GNG7: variants seen among roughly 807,000 people sequenced by gnomAD.
GNG7 encodes guanine nucleotide-binding protein G(I)/G(S)/G(O) subunit gamma-7.
A neutral mutation model predicts 4.0 loss-of-function variants in GNG7; 1 was observed. The observed-to-expected ratio is 0.25, with a 90% CI of 0.09 to 1.18. GNG7 has a LOEUF of 1.18. Ranked by LOEUF, GNG7 falls within the 50% of genes most tolerant of loss-of-function variation. The probability of loss-of-function intolerance (pLI) is 0.50; values close to 1 mark genes in which losing one functional copy is unlikely to be tolerated. For missense variants in GNG7, 86 were observed against 91.9 expected (o/e 0.94, Z 0.26); for synonymous variants, 34 against 36.9 (o/e 0.92, Z 0.29).
At chr19:2,598,422 C>T (rs1981093292) in intron 2 of GNG7, among the ~76,000 whole-genome samples, 1 of 151,526 alleles carries the variant, frequency 6.6e-6, no homozygotes, top group Admixed American at 6.6e-5. Flanking sequence ...CTTTGGGAGG[C>T]CGAGGCGGGC....
intron 2 of GNG7, among the ~76,000 whole-genome samples, chr19:2,622,709 T>C (rs142134705): frequency 0.13 from 14,956 of 118,772 alleles, 2,602 homozygotes; most frequent in African/African-American, 0.41. Context: ...GGGAACCCAA[T>C]GCGAGCAACG....
intron 4 of GNG7, among the ~76,000 whole-genome samples, chr19:2,515,893 T>A (rs1331133202): frequency 6.6e-6 from 1 of 151,996 alleles, no homozygotes; most frequent in East Asian, 1.9e-4. Context: ...GCATTGTGAC[T>A]ATATTAAATA....
chr19:2,679,477 C>T (rs560301407), intron 1 of GNG7, among the ~76,000 whole-genome samples: 95 of 152,208 alleles, frequency 6.2e-4, no homozygotes, highest in Middle Eastern at 3.4e-3. Flanking sequence ...TTCAATGACC[C>T]TAGGGAGTGA....
rs148253371 is a variant in GNG7 at position 2,586,208 on chromosome 19, C to T, written c.-77-31020G>A. ...TGCAGCCGTCTTGATGGGGTGAGAT[C>T]GGGGAGGATCAAGAGCTCCCACCTT... On this transcript the variant is annotated intron_variant, in intron 2 of 4. Transcript: ENST00000382159. Among the ~76,000 whole-genome samples the T allele has an allele frequency of 4.2e-4, 64 of 152,256 alleles. 1 individual carries two copies. The East Asian group carries it at 0.012, about 28-fold the overall frequency.
At chr19:2,664,514 G>C (rs959703231) in intron 1 of GNG7, among the ~76,000 whole-genome samples, 19 of 151,948 alleles carry the variant, frequency 1.3e-4, no homozygotes, top group Non-Finnish European at 2.5e-4. Context: ...AGAACAAAGG[G>C]GCAGGCCTGC....
chr19:2,567,787 C>T (rs1252965292), intron 2 of GNG7, among the ~76,000 whole-genome samples: 1 of 152,126 alleles, frequency 6.6e-6, no homozygotes, highest in African/African-American at 2.4e-5. Context: ...AGGATGAGAC[C>T]TAAAAGGTCA....
rs915007115 is a variant in GNG7 at position 2,618,875 on chromosome 19, C to A, written c.-78+27349G>T. On this transcript the variant is annotated intron_variant, in intron 2 of 4. Coordinates refer to ENST00000382159, the MANE Select transcript of GNG7 (RefSeq NM_052847.3). This position sits in a 1 kb window ranked among gnomAD's most constrained non-coding sequence, Gnocchi z 5.1. ...GTTTTCCCCTCACGACCTTTCCTGCCCCATTGTGACCCCATCCAGGAGCCC... is the reference window on the plus strand; with the variant it reads ...GTTTTCCCCTCACGACCTTTCCTGCACCATTGTGACCCCATCCAGGAGCCC... Among the ~76,000 whole-genome samples the A allele has an allele frequency of 6.6e-6, 1 of 152,034 alleles. No homozygotes were observed. The highest frequency in any genetic ancestry group is 6.6e-5 in the Admixed American group (1 of 15,246).
chr19:2,513,532 C>T lies in GNG7; in HGVS notation c.*1490G>A. Reference sequence around the variant, plus strand: ...CAGAAGCCTCCCCCCGACCCCATGACATCTTCGATTTCCACTTGCCGCTGG... The same window carrying T: ...CAGAAGCCTCCCCCCGACCCCATGATATCTTCGATTTCCACTTGCCGCTGG... On this transcript the variant is annotated 3_prime_UTR_variant, in exon 5 of 5. Transcript: ENST00000382159. The T allele has an allele frequency of 1.0e-6, 1 of 985,628 alleles. No homozygotes were observed. Among genetic ancestry groups the T allele is most frequent in the Non-Finnish European group, 1.2e-6 (1 of 830,064 alleles). 61.1% of individuals were successfully genotyped at this position (985,628 alleles called of 1,614,324 possible).
At chr19:2,604,575 A>AGGGAGGGCGCGAGGGAG (rs1390890593) in intron 2 of GNG7, among the ~76,000 whole-genome samples, 1 of 133,996 alleles carries the variant, frequency 7.5e-6, no homozygotes, top group African/African-American at 2.9e-5. Context: ...GGACAGAGGG[A>AGGGAGGGCGCGAGGGAG]GGAAAAAGAG....
chr19:2,518,208 G>T (rs1194564722), intron 4 of GNG7, among the ~76,000 whole-genome samples: 1 of 150,930 alleles, frequency 6.6e-6, no homozygotes, highest in African/African-American at 2.4e-5. Flanking sequence ...AAAACCTCAG[G>T]CGGGACTGGG....
chr19:2,568,696 C>G (rs114477307), intron 2 of GNG7, among the ~76,000 whole-genome samples: 9,007 of 151,586 alleles, frequency 0.059, 345 homozygotes, highest in East Asian at 0.17. Context: ...TACACACATA[C>G]ATAAAATATA....
At chr19:2,659,232 G>C (rs774406996) in intron 1 of GNG7, among the ~76,000 whole-genome samples, 1 of 151,674 alleles carries the variant, frequency 6.6e-6, no homozygotes, top group Non-Finnish European at 1.5e-5. Flanking sequence ...GCCTCCCAAA[G>C]TCCTGGGATG....
At chr19:2,556,918 C>T (rs1407524893) in intron 2 of GNG7, among the ~76,000 whole-genome samples, 1 of 152,182 alleles carries the variant, frequency 6.6e-6, no homozygotes, top group East Asian at 1.9e-4. Flanking sequence ...AGACACTGCC[C>T]CGGGTCCCCT....
intron 2 of GNG7, among the ~76,000 whole-genome samples, chr19:2,598,926 A>C (rs1373304457): frequency 6.6e-6 from 1 of 152,082 alleles, no homozygotes; most frequent in Non-Finnish European, 1.5e-5. Flanking sequence ...CTTCCAGCTC[A>C]CCTCAAGCTG....
chr19:2,605,578 A>G (rs1324819106), intron 2 of GNG7, among the ~76,000 whole-genome samples: 1 of 118,900 alleles, frequency 8.4e-6, no homozygotes, highest in Non-Finnish European at 1.6e-5. Context: ...CAGTGGCTTG[A>G]TCTTGGCTTA....
At chr19:2,602,163 C>T (rs568020500) in intron 2 of GNG7, among the ~76,000 whole-genome samples, 1 of 152,032 alleles carries the variant, frequency 6.6e-6, no homozygotes, top group South Asian at 2.1e-4. Context: ...ATGGTGAAAC[C>T]CCGTCTCTAC....
At chr19:2,677,807 G>A (rs7257771) in intron 1 of GNG7, among the ~76,000 whole-genome samples, 48,182 of 151,858 alleles carry the variant, frequency 0.32, 8,782 homozygotes, top group East Asian at 0.55. Context: ...GTCACAACTC[G>A]GGGTGTCCCT....
At chr19:2,655,858 A>AT (rs1568275801) in intron 1 of GNG7, among the ~76,000 whole-genome samples, 2 of 140,290 alleles carry the variant, frequency 1.4e-5, no homozygotes, top group Admixed American at 7.0e-5. Context: ...AAAAAAAAAA[A>AT]AATACATATA....
chr19:2,519,282 C>G (rs192129163), intron 4 of GNG7, among the ~76,000 whole-genome samples: 101 of 150,766 alleles, frequency 6.7e-4, no homozygotes, highest in African/African-American at 2.4e-3. Context: ...TCCCAAATAG[C>G]TGGGATTACA....
Sources: allele counts gnomAD v4.1 joint callset (sites outside exome capture counted in the v4.1 genomes callset), GRCh38; gene constraint gnomAD v4.1.1; non-coding constraint Gnocchi (gnomAD v3.1); transcripts MANE v1.5; gene names NCBI Gene and HGNC (gene_info 2026-07-23, HGNC 2026-07-21).